Variants in HERC3 observed in about 807,000 individuals in gnomAD.
The protein encoded by HERC3 is probable E3 ubiquitin-protein ligase HERC3.
A neutral mutation model predicts 129.9 loss-of-function variants in HERC3; 58 were observed. The ratio of observed to expected loss-of-function variants is 0.45; its 90% CI spans 0.36 to 0.56. The LOEUF (loss-of-function observed/expected upper bound fraction) is 0.56. Among genes scored for constraint, HERC3 ranks in the 20% least tolerant of loss-of-function variants. The pLI is 0.00. For missense variants in HERC3, 835 were observed against 1,244.2 expected (o/e 0.67, Z 4.95); for synonymous variants, 430 against 451.0 (o/e 0.95, Z 0.59).
chr4:88,655,271 T>C lies in HERC3; in HGVS notation c.875T>C (p.Met292Thr), dbSNP rs762261944. The change falls in exon 8 of 26, where the codon ATG (methionine) becomes ACG (threonine). Residue 292 changes from methionine to threonine, a missense_variant. Physicochemically the swap from Met to Thr is moderately conservative, Grantham distance 81. Transcript: ENST00000402738. ...EVNPRRVLEL[M>T]GSEVTQIACG... The stretch of plus-strand genomic sequence containing the variant: ...AACCCTAGAAGAGTTCTAGAGCTGA[T>C]GGGTAGTGAAGTAACTCAAATTGCT... The C allele has an allele frequency of 1.2e-6, 2 of 1,614,000 alleles. No homozygotes were observed. The highest frequency in any genetic ancestry group is 1.7e-6 in the Non-Finnish European group (2 of 1,179,894).
At chr4:88,675,773 T>A (rs1312869676) in intron 16 of HERC3, among the ~76,000 whole-genome samples, 1 of 151,770 alleles carries the variant, frequency 6.6e-6, no homozygotes, top group East Asian at 1.9e-4. Flanking sequence ...TCCAAATACT[T>A]GGTTTCTCCT....
At chr4:88,667,683 A>AATGT (rs1731190114) in intron 13 of HERC3, among the ~76,000 whole-genome samples, 195 bp downstream of exon 13, 1 of 152,114 alleles carries the variant, frequency 6.6e-6, no homozygotes, top group Non-Finnish European at 1.5e-5. Context: ...GCCCCTCTAG[A>AATGT]ATATACAGTT....
intron 21 of HERC3, 28 bp from the exon 22 acceptor site, chr4:88,686,708 T>G: frequency 1.3e-6 from 2 of 1,527,990 alleles, no homozygotes; most frequent in Non-Finnish European, 1.8e-6. Context: ...GACTTGCCAC[T>G]TTTCCTTTTC....
intron 3 of HERC3, among the ~76,000 whole-genome samples, chr4:88,639,080 G>A (rs550086741): frequency 6.6e-6 from 1 of 152,152 alleles, no homozygotes; most frequent in African/African-American, 2.4e-5. Context: ...CACTTTTCAA[G>A]GAAATAAGAG....
chr4:88,670,705 GT>G (rs1731518412), intron 16 of HERC3, among the ~76,000 whole-genome samples: 1 of 151,520 alleles, frequency 6.6e-6, no homozygotes, highest in Non-Finnish European at 1.5e-5. Flanking sequence ...TACATGTTAT[GT>G]TAGGTTTTTT....
At chr4:88,683,232 G>A (rs1733005280) in intron 21 of HERC3, among the ~76,000 whole-genome samples, 6 of 151,994 alleles carry the variant, frequency 3.9e-5, no homozygotes. Context: ...TATTGGTTTT[G>A]GGTCACATCA....
the HERC3 span, among the ~76,000 whole-genome samples, chr4:88,540,395 GA>G: frequency 6.6e-6 from 1 of 152,204 alleles, no homozygotes; most frequent in South Asian, 2.1e-4. Flanking sequence ...CAAGTTTAGA[GA>G]AAAAAAGTAG....
At chr4:88,627,640 C>T (rs1002055164) in intron 3 of HERC3, among the ~76,000 whole-genome samples, 4 of 152,006 alleles carry the variant, frequency 2.6e-5, no homozygotes, top group Admixed American at 1.3e-4. Context: ...TGGTGGTTCA[C>T]GGCTCTAATC....
upstream of HERC3, among the ~76,000 whole-genome samples, chr4:88,589,792 G>A (rs967609630): frequency 4.6e-5 from 7 of 152,186 alleles, no homozygotes; most frequent in East Asian, 7.7e-4. Context: ...AAAATAAATC[G>A]AAGTACTGTG....
At chr4:88,541,188 G>A in the HERC3 span, among the ~76,000 whole-genome samples, 1 of 152,136 alleles carries the variant, frequency 6.6e-6, no homozygotes, top group Non-Finnish European at 1.5e-5. Flanking sequence ...GCTGTATTCA[G>A]GAGACCTATC....
At position 88,602,065 on chromosome 4, in the gene HERC3, AAAAAAAAAG is replaced by A. The variant is rs1291663586; in HGVS notation, c.-29-3725_-29-3717del. ...AGCGAGACTCCGTCTCAAAAAAAAA[AAAAAAAAAG>A]AAAAGGATATTCAGAATTATAATTA... On this transcript the variant is annotated intron_variant, in intron 2 of 25. Transcript: ENST00000402738. Among the ~76,000 whole-genome samples, 4 of 89,340 alleles carry A rather than the reference AAAAAAAAAG, an allele frequency of 4.5e-5. No homozygotes were observed. The East Asian group carries it at 1.7e-3, about 39-fold the overall frequency. 58.6% of individuals were successfully genotyped at this position (89,340 alleles called of 152,430 possible).
In HERC3 at chr4:88,667,536, A is replaced by G. The variant is rs183455248; in HGVS notation, c.1443+48A>G. Reference sequence around the variant, plus strand: ...TGCATTCTTAAAAATGCATTTTTGTATCGATGAATTCAACTTCAAGAGAAA... The same window carrying G: ...TGCATTCTTAAAAATGCATTTTTGTGTCGATGAATTCAACTTCAAGAGAAA... On this transcript the variant is annotated intron_variant, in intron 13 of 25. Transcript: ENST00000402738. 5.1e-4 allele frequency: 520 copies of G among 1,009,892 alleles called. 2 individuals are homozygous for G. The East Asian group carries it at 9.3e-3, about 18-fold the overall frequency. 62.6% of individuals were successfully genotyped at this position (1,009,892 alleles called of 1,614,324 possible). A position where few individuals can be genotyped will look rare whatever the true frequency, so the allele number is the denominator to read the frequency against.
chr4:88,651,929 C>A, intron 4 of HERC3, 83 bp from the exon 5 acceptor site: 1 of 1,010,160 alleles, frequency 9.9e-7, no homozygotes, highest in Non-Finnish European at 1.6e-6. Context: ...TTATTACTGA[C>A]ATTTTATTTA....
At chr4:88,697,254 G>T in intron 23 of HERC3, 1 of 1,556,718 alleles carries the variant, frequency 6.4e-7, no homozygotes, top group South Asian at 1.2e-5. Flanking sequence ...CGTCATGTTT[G>T]GCCCCCGCGG....
chr4:88,634,889 C>A (rs572660451), intron 3 of HERC3, among the ~76,000 whole-genome samples: 22 of 152,106 alleles, frequency 1.4e-4, no homozygotes, highest in Non-Finnish European at 8.8e-5. Context: ...AAGTGAACCC[C>A]CAGCAAACCG....
the HERC3 span, among the ~76,000 whole-genome samples, chr4:88,546,254 T>C: frequency 6.6e-6 from 1 of 152,274 alleles, no homozygotes; most frequent in Middle Eastern, 3.4e-3. Flanking sequence ...TTGCACCAGC[T>C]AGGATATTGC....
At chr4:88,697,035 A>C in intron 23 of HERC3, 1 of 580,972 alleles carries the variant, frequency 1.7e-6, no homozygotes, top group Non-Finnish European at 2.9e-6. Flanking sequence ...ATTTGAATCG[A>C]GCTGGCCAGG....
chr4:88,561,885 C>T, the HERC3 span, among the ~76,000 whole-genome samples: 2 of 152,018 alleles, frequency 1.3e-5, no homozygotes, highest in Non-Finnish European at 2.9e-5. Context: ...TTTCTTTATC[C>T]ATTCATCTGT....
rs546512255 is a variant in HERC3 at position 88,644,036 on chromosome 4, A to G, written c.227-5804A>G. On this transcript the variant is annotated intron_variant, in intron 3 of 25. Coordinates refer to ENST00000402738, the MANE Select transcript of HERC3 (RefSeq NM_014606.3). Reference sequence around the variant, plus strand: ...AAATAAGCACATGAAAAGATGTTTGACATCTTTAGCCACTAGAGAAATGCA... The same window carrying G: ...AAATAAGCACATGAAAAGATGTTTGGCATCTTTAGCCACTAGAGAAATGCA... Among the ~76,000 whole-genome samples, 11 of 152,330 alleles carry G rather than the reference A, an allele frequency of 7.2e-5. No homozygotes were observed. In the South Asian group the frequency reaches 2.1e-3, roughly 29 times the overall value.
Sources: gnomAD v4.1 joint callset for allele counts (sites outside exome capture counted in the v4.1 genomes callset) on GRCh38, gnomAD v4.1.1 for gene constraint, MANE v1.5 for transcripts, NCBI Gene and HGNC (gene_info 2026-07-23, HGNC 2026-07-21) for gene names.